The following COL6A5 variants were observed in gnomAD, a reference collection of about 807,000 sequenced individuals.
COL6A5 encodes collagen alpha-5(VI) chain.
In COL6A5, 48 loss-of-function variants were observed where a neutral mutation model predicts 65.6. The observed-to-expected ratio is 0.73, with a 90% confidence interval of 0.58 to 0.93. The LOEUF is 0.93. Among genes scored for constraint, COL6A5 ranks in the 40% least tolerant of loss-of-function variants. The pLI is 0.00. For synonymous variants in COL6A5, 291 were observed against 322.8 expected, an observed-to-expected ratio of 0.90 and a Z score of 1.05; for missense variants, 914 against 928.3, an observed-to-expected ratio of 0.98 and a Z score of 0.20.
chr3:130,359,867 CATG>C (rs1935051175), intron 1 of COL6A5, among the ~76,000 whole-genome samples: 1 of 152,076 alleles, frequency 6.6e-6, no homozygotes, highest in Non-Finnish European at 1.5e-5. Context: ...TATTAGCACT[CATG>C]ATATTACAGA....
chr3:130,451,831 C>A (rs1043492408), intron 4 of COL6A5, among the ~76,000 whole-genome samples: 1 of 151,984 alleles, frequency 6.6e-6, no homozygotes, highest in African/African-American at 2.4e-5. Flanking sequence ...GGTGGAGGAT[C>A]GTCAGATTCA....
intron 1 of COL6A5, among the ~76,000 whole-genome samples, chr3:130,351,003 A>G (rs1934683217): frequency 6.6e-6 from 1 of 152,200 alleles, no homozygotes; most frequent in Non-Finnish European, 1.5e-5. Flanking sequence ...CTCAGAAATA[A>G]CACCACACAT....
chr3:130,450,337 A>T (rs1416736622), intron 4 of COL6A5, among the ~76,000 whole-genome samples: 2 of 152,174 alleles, frequency 1.3e-5, no homozygotes, highest in East Asian at 3.9e-4. Context: ...GTGGGCAAAC[A>T]GTAGGAGCAG....
intron 7 of COL6A5, 73 bp downstream of exon 7, chr3:130,391,827 A>G (rs990829967): frequency 3.5e-6 from 4 of 1,135,472 alleles, no homozygotes; most frequent in Admixed American, 2.5e-5. Flanking sequence ...CATAAGTCTC[A>G]GGTCTCCGAT....
chr3:130,391,789 G>C, intron 7 of COL6A5, 35 bp downstream of exon 7: 1 of 1,452,650 alleles, frequency 6.9e-7, no homozygotes, highest in Non-Finnish European at 9.2e-7. Flanking sequence ...TATGGGGGTA[G>C]CAATAAAAGT....
At chr3:130,477,182 A>G (rs1036145989) in intron 7 of COL6A5, 21 of 892,002 alleles carry the variant, frequency 2.4e-5, no homozygotes, top group Non-Finnish European at 3.5e-5. Context: ...GAAATAATAC[A>G]ATCTATCTCT....
At chr3:130,391,714 C>T in exon 7 of COL6A5, 1 of 1,551,384 alleles carries the variant, frequency 6.4e-7, no homozygotes. Context: ...AAGATGTTTT[C>T]ACACTTGTTC....
At chr3:130,395,213 G>A (rs1038123232) in exon 8 of COL6A5, 10 of 1,551,514 alleles carry the variant, frequency 6.4e-6, no homozygotes, top group African/African-American at 1.4e-5. Flanking sequence ...AAGAAATGCT[G>A]GTGTCCCCCA....
chr3:130,459,928 T>C (rs907164616), intron 5 of COL6A5, among the ~76,000 whole-genome samples: 2 of 152,148 alleles, frequency 1.3e-5, no homozygotes, highest in Non-Finnish European at 2.9e-5. Context: ...ATTTTCTATA[T>C]TGCCATAAGC....
At chr3:130,365,683 C>T (rs538212802) in intron 1 of COL6A5, among the ~76,000 whole-genome samples, 3 of 152,310 alleles carry the variant, frequency 2.0e-5, no homozygotes, top group Non-Finnish European at 4.4e-5. Context: ...CAGATTTTCT[C>T]TCTGGGACTG....
At chr3:130,400,843 A>G (rs886534204) in intron 10 of COL6A5, among the ~76,000 whole-genome samples, 188 bp from the exon 11 acceptor site, 1 of 152,252 alleles carries the variant, frequency 6.6e-6, no homozygotes, top group Non-Finnish European at 1.5e-5. Context: ...GAGCTGGTGC[A>G]TATTCAGAAA....
rs552276836 is a variant in COL6A5, at chr3:130,413,453, A to T, written c.4663-92A>T. ...TGTTTCTGTGAGCTGCTCATTACTTATGTCTAGCAGAGAATGAAAGAGGCT... is the reference window on the plus strand; with the variant it reads ...TGTTTCTGTGAGCTGCTCATTACTTTTGTCTAGCAGAGAATGAAAGAGGCT... On this transcript the variant is annotated intron_variant and NMD_transcript_variant, in intron 20 of 41. Transcript: ENST00000312481. The T allele has an allele frequency of 1.8e-5, 21 of 1,184,250 alleles. 1 individual carries two copies. Among genetic ancestry groups the T allele is most frequent in the South Asian group, 9.2e-5 (7 of 76,178 alleles). The allele number at this position is 1,184,250 out of a possible 1,614,324, so 73.4% of individuals were successfully genotyped here. A position where few individuals can be genotyped will look rare whatever the true frequency, so the allele number is the denominator to read the frequency against.
At chr3:130,432,420 G>A (rs995634687) in intron 1 of COL6A5, among the ~76,000 whole-genome samples, 15 of 151,910 alleles carry the variant, frequency 9.9e-5, no homozygotes, top group African/African-American at 1.9e-4. Context: ...GCATGGTGGC[G>A]CGTGCCTGTA....
intron 19 of COL6A5, 94 bp downstream of exon 19, chr3:130,410,168 T>C: frequency 1.1e-6 from 1 of 927,298 alleles, no homozygotes; most frequent in East Asian, 2.6e-5. Flanking sequence ...ATTGAACAAA[T>C]GCTCTTAAGA....
intron 14 of COL6A5, 29 bp from the exon 15 acceptor site, chr3:130,405,964 G>C: frequency 6.5e-7 from 1 of 1,549,880 alleles, no homozygotes; most frequent in East Asian, 2.4e-5. Flanking sequence ...TCTTTGATTT[G>C]TCAGTGAGAG....
chr3:130,376,766 C>T, exon 3 of COL6A5: 1 of 1,613,620 alleles, frequency 6.2e-7, no homozygotes, highest in Non-Finnish European at 8.5e-7. Context: ...GCACATTTTC[C>T]CAAAACATGA....
rs1192831333 is a variant in COL6A5, at chr3:130,398,015, T to G, written c.3910-15T>G. On this transcript the variant is annotated splice_polypyrimidine_tract_variant and intron_variant and NMD_transcript_variant, in intron 9 of 41. Transcript: ENST00000312481. ...TATTTAGCTTTTACACCATACCATTTTCTTATTTCTCCAGGTGCTGCTTAT... is the reference window on the plus strand; with the variant it reads ...TATTTAGCTTTTACACCATACCATTGTCTTATTTCTCCAGGTGCTGCTTAT... 1.3e-6 allele frequency: 2 copies of G among 1,549,436 alleles called. No homozygotes were observed. The highest frequency in any genetic ancestry group is 1.2e-5 in the South Asian group (1 of 83,922).
intron 13 of COL6A5, 24 bp from the exon 14 acceptor site, chr3:130,405,564 A>G: frequency 6.5e-7 from 1 of 1,537,744 alleles, no homozygotes. Flanking sequence ...CACTTTGGGT[A>G]CCTGTCTGTG....
At chr3:130,413,701 C>A (rs894005968) in intron 21 of COL6A5, 121 bp downstream of exon 21, 1 of 1,012,864 alleles carries the variant, frequency 9.9e-7, no homozygotes, top group Non-Finnish European at 1.5e-6. Context: ...GTGCCCAGTA[C>A]TGGACGTGAT....
Sources: allele counts gnomAD v4.1 joint callset (sites outside exome capture counted in the v4.1 genomes callset), GRCh38; gene constraint gnomAD v4.1.1; transcripts MANE v1.5; gene names NCBI Gene and HGNC (gene_info 2026-07-23, HGNC 2026-07-21).